Variants in ZNF469 observed in about 807,000 individuals in gnomAD.
ZNF469 encodes the protein zinc finger protein 469.
Under a neutral mutation model 1.0 loss-of-function variants are expected in ZNF469, and 1 was observed. That is an observed-to-expected ratio of 1.00 (90% CI 0.35 to 4.73). The LOEUF (loss-of-function observed/expected upper bound fraction) is 4.73. Ranked by LOEUF, ZNF469 falls within the 30% of genes most tolerant of loss-of-function variation. The probability of loss-of-function intolerance (pLI) is 0.16; values close to 1 mark genes in which losing one functional copy is unlikely to be tolerated. For missense variants in ZNF469, 6,100 were observed against 5,356.3 expected, an observed-to-expected ratio of 1.14 and a Z score of -4.33; for synonymous variants, 2,703 against 2,363.4, an observed-to-expected ratio of 1.14 and a Z score of -4.17.
chr16:88,389,234 A>G (rs1419557385), intron 1 of ZNF469, among the ~76,000 whole-genome samples: 1 of 152,158 alleles, frequency 6.6e-6, no homozygotes, highest in Non-Finnish European at 1.5e-5. Context: ...TGCATTCTGG[A>G]CACTTCGAGT....
intron 1 of ZNF469, among the ~76,000 whole-genome samples, chr16:88,419,372 G>A (rs1324502751): frequency 6.6e-6 from 1 of 152,198 alleles, no homozygotes; most frequent in African/African-American, 2.4e-5. Flanking sequence ...CAGACCGGGA[G>A]AGCTCAGCAC....
At chr16:88,256,901 T>TC in the ZNF469 span, among the ~76,000 whole-genome samples, 1 of 13,402 alleles carries the variant, frequency 7.5e-5, no homozygotes, top group African/African-American at 2.7e-4. Flanking sequence ...TTTCCTTCTT[T>TC]CTTTCTTTCT....
chr16:88,349,010 C>T, the ZNF469 span, among the ~76,000 whole-genome samples: 1 of 152,202 alleles, frequency 6.6e-6, no homozygotes, highest in East Asian at 1.9e-4. Flanking sequence ...CTGCCTCCCA[C>T]GCAGGCCCCA....
the ZNF469 span, among the ~76,000 whole-genome samples, chr16:88,117,443 T>A: frequency 6.6e-6 from 1 of 152,260 alleles, no homozygotes; most frequent in South Asian, 2.1e-4. Flanking sequence ...GTCCCTTTGA[T>A]CTTTTTTTAC....
intron 1 of ZNF469, among the ~76,000 whole-genome samples, chr16:88,396,525 G>T (rs1216332565): frequency 7.3e-5 from 7 of 95,804 alleles, no homozygotes; most frequent in South Asian, 3.7e-4. Context: ...GCGGAGACCC[G>T]TCTGAAGGGA....
At chr16:88,239,705 ATATATATATATTTTTTTTTTT>A in the ZNF469 span, among the ~76,000 whole-genome samples, 25 of 5,850 alleles carry the variant, frequency 4.3e-3, 3 homozygotes, top group African/African-American at 0.026. Flanking sequence ...ATATATATAT[ATATATATATATTTTTTTTTTT>A]TTTTTTTTTT....
the ZNF469 span, among the ~76,000 whole-genome samples, chr16:88,181,325 C>T: frequency 3.6e-4 from 55 of 152,300 alleles, no homozygotes; most frequent in African/African-American, 1.3e-3. Flanking sequence ...CCGCCTCGGC[C>T]TCCCAAAGTG....
Position 88,439,495 on chromosome 16 carries a change from G to C in ZNF469, c.*163G>C. 1.3e-6 allele frequency: 1 copy of C among 767,634 alleles called. No individual in the cohort carries two copies. Among genetic ancestry groups the C allele is most frequent in the Non-Finnish European group, 2.1e-6 (1 of 476,624 alleles). 47.6% of individuals were successfully genotyped at this position (767,634 alleles called of 1,614,324 possible). ...AGCTGAGGTGGTGATGCTTTGAACA[G>C]GGCCCAGGTGGGCAGCATTCCCTTT... On this transcript the variant is annotated 3_prime_UTR_variant, in exon 3 of 3. Transcript: ENST00000565624.
chr16:88,263,659 C>T, the ZNF469 span, among the ~76,000 whole-genome samples: 1 of 152,130 alleles, frequency 6.6e-6, no homozygotes, highest in Non-Finnish European at 1.5e-5. Flanking sequence ...CTCAAGCCTC[C>T]CTTTTCCGGG....
At position 88,430,144 on chromosome 16, in the gene ZNF469, A is replaced by G; in HGVS notation, c.2674A>G (p.Thr892Ala). The change falls in exon 3 of 3, where the codon ACT becomes GCT. Residue 892 changes from threonine to alanine, a missense_variant. Thr to Ala is a moderately conservative substitution (Grantham distance 58). Coordinates refer to ENST00000565624, the MANE Select transcript of ZNF469 (RefSeq NM_001367624.2). ...GHPLKSKAGV[T>A]PESKAPPPLP... ...CCCCCTTAAGAGCAAGGCGGGGGTGACTCCAGAGAGCAAAGCTCCGCCCCC... is the reference window on the plus strand; with the variant it reads ...CCCCCTTAAGAGCAAGGCGGGGGTGGCTCCAGAGAGCAAAGCTCCGCCCCC... 6.5e-7 allele frequency: 1 copy of G among 1,549,426 alleles called. No homozygotes were observed. The highest frequency in any genetic ancestry group is 8.7e-7 in the Non-Finnish European group (1 of 1,146,700).
the ZNF469 span, among the ~76,000 whole-genome samples, chr16:88,286,476 A>G: frequency 1.3e-5 from 2 of 152,274 alleles, no homozygotes; most frequent in Admixed American, 1.3e-4. Flanking sequence ...CTTCCTGCCA[A>G]TCTGCAGGAG....
the ZNF469 span, among the ~76,000 whole-genome samples, chr16:88,237,727 G>A: frequency 6.9e-5 from 4 of 57,860 alleles, no homozygotes; most frequent in Non-Finnish European, 1.1e-4. Flanking sequence ...CCTGCCCTCC[G>A]TGCTCCTGCC....
chr16:88,382,262 C>T (rs558372979), upstream of ZNF469, among the ~76,000 whole-genome samples: 9 of 152,348 alleles, frequency 5.9e-5, no homozygotes, highest in South Asian at 1.4e-3. Flanking sequence ...CGCCGTGTGG[C>T]CTTGGGCAGG....
At chr16:88,308,115 T>C in the ZNF469 span, among the ~76,000 whole-genome samples, 1 of 152,226 alleles carries the variant, frequency 6.6e-6, no homozygotes, top group Admixed American at 6.5e-5. Flanking sequence ...TAAACTGCCT[T>C]GGTGCCCTTG....
At chr16:88,372,928 C>T in the ZNF469 span, among the ~76,000 whole-genome samples, 2 of 152,094 alleles carry the variant, frequency 1.3e-5, no homozygotes, top group African/African-American at 2.4e-5. Context: ...TGATCTTTAC[C>T]ATCTTCACCA....
the ZNF469 span, among the ~76,000 whole-genome samples, chr16:88,277,571 A>G: frequency 7.1e-4 from 107 of 150,936 alleles, 16 homozygotes; most frequent in African/African-American, 2.6e-3. Flanking sequence ...CCGTGTAGAT[A>G]TCAGGGCACG....
At chr16:88,316,218 CCG>C in the ZNF469 span, among the ~76,000 whole-genome samples, 1 of 152,204 alleles carries the variant, frequency 6.6e-6, no homozygotes, top group Non-Finnish European at 1.5e-5. Flanking sequence ...AAGTCAGAAC[CCG>C]CAGGGCTGGG....
chr16:88,105,299 CTTTCTT>C, the ZNF469 span, among the ~76,000 whole-genome samples: 1 of 96,696 alleles, frequency 1.0e-5, no homozygotes, highest in Non-Finnish European at 1.9e-5. Context: ...TTTTTTCTTT[CTTTCTT>C]TTTTTTTTTT....
chr16:88,406,616 G>A (rs1419306049), intron 1 of ZNF469, among the ~76,000 whole-genome samples: 1 of 152,210 alleles, frequency 6.6e-6, no homozygotes. Flanking sequence ...ACAGGGAGAG[G>A]AGAGGGGCAG....
Sources: gnomAD v4.1 joint callset for allele counts (sites outside exome capture counted in the v4.1 genomes callset) on GRCh38, gnomAD v4.1.1 for gene constraint, MANE v1.5 for transcripts, NCBI Gene and HGNC (gene_info 2026-07-23, HGNC 2026-07-21) for gene names.